Variants in CEP128 observed in about 807,000 individuals in gnomAD.
The protein encoded by CEP128 is centrosomal protein 128kDa.
CEP128 carries 132 observed loss-of-function variants against 156.7 expected under a neutral mutation model. The observed-to-expected ratio is 0.84, with a 90% CI of 0.73 to 0.97. CEP128 has a LOEUF of 0.97. Ranked by LOEUF, CEP128 falls within the 50% of genes least tolerant of loss-of-function variation. CEP128 has a pLI of 0.00. For missense variants in CEP128, 1,252 were observed against 1,281.9 expected, an observed-to-expected ratio of 0.98 and a Z score of 0.36; for synonymous variants, 469 against 448.9, an observed-to-expected ratio of 1.04 and a Z score of -0.57.
intron 19 of CEP128, among the ~76,000 whole-genome samples, chr14:80,655,808 G>T (rs1895106779): frequency 6.6e-6 from 1 of 152,196 alleles, no homozygotes. Flanking sequence ...ATGGAAAAGA[G>T]ATAAAGCCAG....
Position 80,792,857 on chromosome 14 carries a change from T to C in CEP128, c.1463A>G (p.Glu488Gly). 6.2e-7 allele frequency: 1 copy of C among 1,614,182 alleles called. No individual in the cohort carries two copies. Among genetic ancestry groups the C allele is most frequent in the Non-Finnish European group, 8.5e-7 (1 of 1,180,004 alleles). Residue 488 changes from glutamate to glycine, a missense_variant, in exon 14 of 25, where the codon GAA becomes GGA. Physicochemically the swap from Glu to Gly is moderately conservative, Grantham distance 98. Coordinates refer to ENST00000555265, the MANE Select transcript of CEP128 (RefSeq NM_152446.5). ...RREDLKLKAQESIRQWKLKHK... is the reference protein window; with the variant it reads ...RREDLKLKAQGSIRQWKLKHK... ...CTTAAGCTTCCACTGCCTAATGGAT[T>C]CTTGAGCTTTCAGTTTCAGGTCTTC...
At chr14:80,651,902 G>C (rs1343766687) in intron 19 of CEP128, among the ~76,000 whole-genome samples, 1 of 152,038 alleles carries the variant, frequency 6.6e-6, no homozygotes, top group Non-Finnish European at 1.5e-5. Flanking sequence ...TACTGATTTG[G>C]GGTGGAGAGT....
At chr14:80,599,265 CTTTTTTTTTTTTTT>C in intron 19 of CEP128, among the ~76,000 whole-genome samples, 1 of 85,406 alleles carries the variant, frequency 1.2e-5, no homozygotes, top group African/African-American at 4.8e-5. Flanking sequence ...CAGTCATATT[CTTTTTTTTTTTTTT>C]TTTTTTTTTT....
At chr14:80,545,334 A>C (rs1248823567) in intron 21 of CEP128, among the ~76,000 whole-genome samples, 1 of 152,210 alleles carries the variant, frequency 6.6e-6, no homozygotes, top group Non-Finnish European at 1.5e-5. Context: ...TAGTAAGAGG[A>C]AAAATTAGAA....
chr14:80,617,660 T>G (rs980465093), intron 19 of CEP128, among the ~76,000 whole-genome samples: 1 of 152,194 alleles, frequency 6.6e-6, no homozygotes, highest in Admixed American at 6.5e-5. Flanking sequence ...TGCTTGTTTT[T>G]GGCTGGGAGC....
At chr14:80,809,239 T>C (rs1418297568) in intron 13 of CEP128, among the ~76,000 whole-genome samples, 1 of 151,988 alleles carries the variant, frequency 6.6e-6, no homozygotes, top group Non-Finnish European at 1.5e-5. Context: ...AAAACACACT[T>C]GAAGTCGTCA....
intron 19 of CEP128, among the ~76,000 whole-genome samples, chr14:80,711,554 G>A (rs905726230): frequency 4.6e-5 from 7 of 152,072 alleles, no homozygotes; most frequent in Admixed American, 2.6e-4. Context: ...GGTTACCAGA[G>A]GCTGGAAAGA....
intron 24 of CEP128, among the ~76,000 whole-genome samples, chr14:80,498,108 T>C (rs781220498): frequency 6.6e-6 from 1 of 152,194 alleles, no homozygotes; most frequent in Non-Finnish European, 1.5e-5. Context: ...GCTCATTCCT[T>C]ACTCTTCTCC....
intron 19 of CEP128, among the ~76,000 whole-genome samples, chr14:80,609,091 A>G (rs1207406907): frequency 6.6e-6 from 1 of 152,206 alleles, no homozygotes; most frequent in Non-Finnish European, 1.5e-5. Flanking sequence ...AGACATACTA[A>G]TGATACTGCA....
At chr14:80,806,395 ACATTT>A (rs1884176632) in intron 13 of CEP128, among the ~76,000 whole-genome samples, 1 of 152,202 alleles carries the variant, frequency 6.6e-6, no homozygotes, top group Non-Finnish European at 1.5e-5. Context: ...TTTTAAATAC[ACATTT>A]CTTCAGAGTG....
intron 8 of CEP128, among the ~76,000 whole-genome samples, chr14:80,891,841 G>A (rs2139376078): frequency 6.6e-6 from 1 of 151,754 alleles, no homozygotes; most frequent in Admixed American, 6.6e-5. Context: ...AAAAACAGCT[G>A]AAGAATAAAT....
At chr14:80,705,456 A>G (rs1172127271) in intron 19 of CEP128, among the ~76,000 whole-genome samples, 4 of 152,158 alleles carry the variant, frequency 2.6e-5, no homozygotes, top group Non-Finnish European at 5.9e-5. Flanking sequence ...AGAATTAGTC[A>G]GACTAATTCA....
chr14:80,891,800 G>T (rs562601824), intron 8 of CEP128, among the ~76,000 whole-genome samples: 2 of 151,584 alleles, frequency 1.3e-5, no homozygotes, highest in Non-Finnish European at 1.5e-5. Context: ...AATATTTCAC[G>T]AAATATGTAT....
chr14:80,835,285 C>T (rs905689736), intron 12 of CEP128, among the ~76,000 whole-genome samples: 1 of 152,124 alleles, frequency 6.6e-6, no homozygotes, highest in African/African-American at 2.4e-5. Context: ...TGTAAACTAT[C>T]CAGCCTCAGG....
intron 21 of CEP128, among the ~76,000 whole-genome samples, chr14:80,532,869 A>T (rs1889292196): frequency 6.6e-6 from 1 of 152,174 alleles, no homozygotes; most frequent in African/African-American, 2.4e-5. Context: ...GAAGGGCAGA[A>T]ATACCTTTAC....
intron 20 of CEP128, among the ~76,000 whole-genome samples, chr14:80,561,007 C>T (rs534421095): frequency 1.3e-5 from 2 of 152,238 alleles, no homozygotes; most frequent in South Asian, 4.1e-4. Flanking sequence ...TCCTGTGGTC[C>T]TGCAGGGACC....
At chr14:80,669,729 A>G (rs1027185636) in intron 19 of CEP128, among the ~76,000 whole-genome samples, 2 of 152,128 alleles carry the variant, frequency 1.3e-5, no homozygotes, top group African/African-American at 4.8e-5. Flanking sequence ...TACAATCTCT[A>G]TGAAAAACGG....
chr14:80,542,334 A>G (rs1208571881), intron 21 of CEP128, among the ~76,000 whole-genome samples: 1 of 152,234 alleles, frequency 6.6e-6, no homozygotes, highest in South Asian at 2.1e-4. Flanking sequence ...ATAAACATAC[A>G]TAAAGATACA....
In CEP128 at chr14:80,777,948, C is replaced by T; in HGVS notation, c.2310G>A (p.Gln770=). Residue 770 remains glutamine (Q), a synonymous_variant, in exon 16 of 25, where the codon CAG becomes CAA. Coordinates refer to ENST00000555265, the MANE Select transcript of CEP128 (RefSeq NM_152446.5). ...TCAGTTTTTTGTTCTCATTTTCATT[C>T]TGGGTTAATTCCTCTGTCAGTCTGT... ...QCDRLTEELT[Q]NENENKKLKL... 1.2e-6 allele frequency: 2 copies of T among 1,612,894 alleles called. No individual in the cohort carries two copies. The highest frequency in any genetic ancestry group is 1.7e-6 in the Non-Finnish European group (2 of 1,179,268).
Sources: allele counts gnomAD v4.1 joint callset (sites outside exome capture counted in the v4.1 genomes callset), GRCh38; gene constraint gnomAD v4.1.1; transcripts MANE v1.5; gene names NCBI Gene and HGNC (gene_info 2026-07-23, HGNC 2026-07-21).